The following PDGFB variants were observed in gnomAD, a reference collection of about 807,000 sequenced individuals.
The protein encoded by PDGFB is platelet-derived growth factor subunit B.
PDGFB carries 6 observed loss-of-function variants against 29.0 expected under a neutral mutation model. The ratio of observed to expected loss-of-function variants is 0.21; its 90% CI spans 0.11 to 0.41. The LOEUF is 0.41. Among genes scored for constraint, PDGFB ranks in the 10% least tolerant of loss-of-function variants. The pLI is 1.00. For missense variants in PDGFB, 299 were observed against 341.8 expected, an observed-to-expected ratio of 0.87 and a Z score of 0.99; for synonymous variants, 144 against 140.8, an observed-to-expected ratio of 1.02 and a Z score of -0.16.
rs764954078 is a variant in PDGFB, at chr22:39,234,315, G to A, written c.161-791C>T. Among the ~76,000 whole-genome samples, 19 of 152,168 alleles carry A rather than the reference G, an allele frequency of 1.2e-4. 1 individual carries two copies. The highest frequency in any genetic ancestry group is 2.4e-4 in the African/African-American group (10 of 41,418). ...CCCATCAGCCCTCCTTGGAGACATC[G>A]GTCCTTTCCAGAGCCCATGGCCAGA... is the stretch of plus-strand genomic sequence containing the variant. On this transcript the variant is annotated intron_variant, in intron 2 of 6. Coordinates refer to ENST00000331163, the MANE Select transcript of PDGFB (RefSeq NM_002608.4).
intron 4 of PDGFB, among the ~76,000 whole-genome samples, 187 bp from the exon 5 acceptor site, chr22:39,230,415 G>A (rs542958934): frequency 1.3e-4 from 20 of 152,328 alleles, no homozygotes; most frequent in Admixed American, 9.1e-4. Flanking sequence ...TGCCCTTCTC[G>A]TAGCTTTTCC....
rs1035240778 is a variant in PDGFB, at chr22:39,240,336, ATCT to A, written c.63+3562_63+3564del. Among the ~76,000 whole-genome samples the A allele has an allele frequency of 4.0e-5, 6 of 151,344 alleles. No homozygotes were observed. In the East Asian group the frequency reaches 1.2e-3, roughly 29 times the overall value. On this transcript the variant is annotated intron_variant, in intron 1 of 6. Coordinates refer to ENST00000331163, the MANE Select transcript of PDGFB (RefSeq NM_002608.4). ...TCTTTGGGAACTCTGCACTAATCCA[ATCT>A]TCTCTCTCTCTTTTTTTTTTTAGGT...
Position 39,244,017 on chromosome 22 carries a change from GC to G in PDGFB, c.-55del. On this transcript the variant is annotated 5_prime_UTR_variant, in exon 1 of 7. Coordinates refer to ENST00000331163, the MANE Select transcript of PDGFB (RefSeq NM_002608.4). This position sits in a 1 kb window ranked among gnomAD's most constrained non-coding sequence, Gnocchi z 4.5. ...CCCGGACGCGTAGATCGAGCGCGCCGCCCCCGCGGCCAGGGTGGGGGGCTGG... is the reference window on the plus strand; with the variant it reads ...CCCGGACGCGTAGATCGAGCGCGCCGCCCCGCGGCCAGGGTGGGGGGCTGG... 5.9e-6 allele frequency: 3 copies of G among 512,534 alleles called. No individual in the cohort carries two copies. Among genetic ancestry groups the G allele is most frequent in the Non-Finnish European group, 6.7e-6 (2 of 297,462 alleles). The allele number at this position is 512,534 out of a possible 1,614,324, so 31.7% of individuals were successfully genotyped here. A position where few individuals can be genotyped will look rare whatever the true frequency, so the allele number is the denominator to read the frequency against.
In PDGFB at chr22:39,239,201, C is replaced by G. The variant is rs186201035; in HGVS notation, c.64-3327G>C. On this transcript the variant is annotated intron_variant, in intron 1 of 6. Transcript: ENST00000331163. ...TCTTTCCGGATGGCTCCTTTGTGGG[C>G]AGCAGCGAGTGGCACACGTGCTCAG... 8.9e-4 allele frequency among the ~76,000 whole-genome samples: 135 copies of G among 152,330 alleles called. 1 individual carries two copies. The highest frequency in any genetic ancestry group is 2.8e-3 in the African/African-American group (117 of 41,582).
rs1328650569 is a variant in PDGFB at position 39,244,902 on chromosome 22, G to A, written c.-939C>T. Among the ~76,000 whole-genome samples the A allele has an allele frequency of 6.6e-6, 1 of 151,806 alleles. No homozygotes were observed. ...AATGGGCGCTGGCGGCCGGAGGGGA[G>A]CCCTAGGGAGGCAGCGGGGGAGGCT... On this transcript the variant is annotated 5_prime_UTR_variant, in exon 1 of 7. Coordinates refer to ENST00000331163, the MANE Select transcript of PDGFB (RefSeq NM_002608.4). This position sits in a 1 kb window ranked among gnomAD's most constrained non-coding sequence, Gnocchi z 4.5.
chr22:39,243,943 G>C lies in PDGFB; in HGVS notation c.21C>G (p.Leu7=), dbSNP rs754448136. 6.9e-6 allele frequency: 11 copies of C among 1,602,940 alleles called. No homozygotes were observed. In the East Asian group the frequency reaches 2.5e-4, roughly 36 times the overall value. Residue 7 remains leucine, a synonymous_variant, in exon 1 of 7, where the codon CTC becomes CTG. Transcript: ENST00000331163. The surrounding 1 kb of genome is among the most constrained non-coding windows in gnomAD (Gnocchi z 6.4). MNRCWA[L]FLSLCCYLRL... ...GCAGGTAGCAGCAGAGAGACAGGAA[G>C]AGCGCCCAGCAGCGATTCATGCCGA...
Position 39,244,051 on chromosome 22 carries a change from G to A in PDGFB, c.-88C>T, listed in dbSNP as rs1379354001. Reference sequence around the variant, plus strand: ...GCCAGGGTGGGGGGCTGGGGAGGGGGGTGGGCTCGGCTCGGGTCCGCGGCG... The same window carrying A: ...GCCAGGGTGGGGGGCTGGGGAGGGGAGTGGGCTCGGCTCGGGTCCGCGGCG... On this transcript the variant is annotated 5_prime_UTR_variant, in exon 1 of 7. Coordinates refer to ENST00000331163, the MANE Select transcript of PDGFB (RefSeq NM_002608.4). This position sits in a 1 kb window ranked among gnomAD's most constrained non-coding sequence, Gnocchi z 4.5. The A allele has an allele frequency of 1.5e-6, 1 of 652,512 alleles. No individual in the cohort carries two copies. Among genetic ancestry groups the A allele is most frequent in the Non-Finnish European group, 2.4e-6 (1 of 412,022 alleles). The allele number at this position is 652,512 out of a possible 1,614,324, so 40.4% of individuals were successfully genotyped here.
At chr22:39,229,290 G>A (rs937115651) in intron 5 of PDGFB, among the ~76,000 whole-genome samples, 2 of 152,022 alleles carry the variant, frequency 1.3e-5, no homozygotes, top group African/African-American at 2.4e-5. Context: ...AGCCTCAAGC[G>A]ATCCTCCCAC....
chr22:39,243,837 C>T lies in PDGFB; in HGVS notation c.63+64G>A, dbSNP rs990588445. 5 of 1,297,502 alleles carry T rather than the reference C, an allele frequency of 3.9e-6. No homozygotes were observed. Among genetic ancestry groups the T allele is most frequent in the East Asian group, 2.6e-5 (1 of 39,166 alleles). The allele number at this position is 1,297,502 out of a possible 1,614,324, so 80.4% of individuals were successfully genotyped here. A position where few individuals can be genotyped will look rare whatever the true frequency, so the allele number is the denominator to read the frequency against. On this transcript the variant is annotated intron_variant, in intron 1 of 6. Coordinates refer to ENST00000331163, the MANE Select transcript of PDGFB (RefSeq NM_002608.4). The surrounding 1 kb of genome is among the most constrained non-coding windows in gnomAD (Gnocchi z 6.4). ...AGTTCACTGCAGGGAGAGGAGGGGG[C>T]GGTCAGAAGGGGGGGGCGAAGGTAA...
chr22:39,229,985 G>GGGGGC, intron 5 of PDGFB, 99 bp downstream of exon 5: 1 of 1,351,710 alleles, frequency 7.4e-7, no homozygotes, highest in Non-Finnish European at 1.0e-6. Context: ...GAATTTAACC[G>GGGGGC]GGGGCGGGCC....
rs1366471577 is a variant in PDGFB, at chr22:39,242,652, C to G, written c.63+1249G>C. Reference sequence around the variant, plus strand: ...CAAAAGGAGACGGCGACGGCTCCTCCGTGGTCAAAACAACCTGCGCTGGCG... The same window carrying G: ...CAAAAGGAGACGGCGACGGCTCCTCGGTGGTCAAAACAACCTGCGCTGGCG... On this transcript the variant is annotated intron_variant, in intron 1 of 6. Coordinates refer to ENST00000331163, the MANE Select transcript of PDGFB (RefSeq NM_002608.4). The surrounding 1 kb of genome is among the most constrained non-coding windows in gnomAD (Gnocchi z 5.7). Among the ~76,000 whole-genome samples, 3 of 151,880 alleles carry G rather than the reference C, an allele frequency of 2.0e-5. No homozygotes were observed. The highest frequency in any genetic ancestry group is 4.1e-4 in the South Asian group (2 of 4,828).
intron 5 of PDGFB, among the ~76,000 whole-genome samples, chr22:39,227,383 C>T (rs773092746): frequency 2.0e-5 from 3 of 152,246 alleles, no homozygotes; most frequent in Admixed American, 6.5e-5. Context: ...CGTGAGCCAC[C>T]ACGCCCAGCC....
intron 1 of PDGFB, among the ~76,000 whole-genome samples, chr22:39,239,506 G>A (rs991227819): frequency 6.6e-6 from 1 of 152,158 alleles, no homozygotes; most frequent in African/African-American, 2.4e-5. Context: ...GGCTCTTCTT[G>A]GTATGGGAAG....
chr22:39,240,902 CT>C, intron 1 of PDGFB: 1 of 1,603,150 alleles, frequency 6.2e-7, no homozygotes, highest in Non-Finnish European at 8.5e-7. Context: ...CAGTCTCTCT[CT>C]CTCTCTCTCT....
At chr22:39,241,220 G>A in intron 1 of PDGFB, 1 of 461,478 alleles carries the variant, frequency 2.2e-6, no homozygotes, top group South Asian at 2.5e-5. Context: ...GGCCTCGGCA[G>A]GCCCTCCACC....
At chr22:39,237,068 G>A (rs1601600890) in intron 1 of PDGFB, among the ~76,000 whole-genome samples, 1 of 152,064 alleles carries the variant, frequency 6.6e-6, no homozygotes, top group South Asian at 2.1e-4. Context: ...AGAGGGGGTC[G>A]GTGCAGGCTA....
In PDGFB at chr22:39,230,314, G is replaced by C. The variant is rs990385889; in HGVS notation, c.457-86C>G. 15 of 1,363,424 alleles carry C rather than the reference G, an allele frequency of 1.1e-5. No individual in the cohort carries two copies. The African/African-American group carries it at 1.6e-4, about 14-fold the overall frequency. 84.5% of individuals were successfully genotyped at this position (1,363,424 alleles called of 1,614,324 possible). ...CCGAATGGCTTGCGCTTCCCACCCC[G>C]GTGTCCCCTGCAGCAATCTTTCCTC... On this transcript the variant is annotated intron_variant, in intron 4 of 6. Coordinates refer to ENST00000331163, the MANE Select transcript of PDGFB (RefSeq NM_002608.4).
In PDGFB at chr22:39,231,845, C is replaced by G. The variant is rs1374918079; in HGVS notation, c.251-18G>C. 1.2e-6 allele frequency: 2 copies of G among 1,608,120 alleles called. No individual in the cohort carries two copies. Among genetic ancestry groups the G allele is most frequent in the African/African-American group, 1.3e-5 (1 of 74,870 alleles). ...CAGGGAACCTGGGAGGAGACGAAAC[C>G]TGGGTCAGGAGCGTAGGCCTGTCCA... On this transcript the variant is annotated intron_variant, in intron 3 of 6. Coordinates refer to ENST00000331163, the MANE Select transcript of PDGFB (RefSeq NM_002608.4). This position sits in a 1 kb window ranked among gnomAD's most constrained non-coding sequence, Gnocchi z 4.3.
intron 1 of PDGFB, among the ~76,000 whole-genome samples, chr22:39,237,688 C>T (rs950442596): frequency 9.9e-5 from 15 of 152,230 alleles, no homozygotes; most frequent in Non-Finnish European, 1.9e-4. Flanking sequence ...TGAACACCAG[C>T]GAAAGCCGCT....
Sources: allele counts gnomAD v4.1 joint callset (sites outside exome capture counted in the v4.1 genomes callset), GRCh38; gene constraint gnomAD v4.1.1; non-coding constraint Gnocchi (gnomAD v3.1); transcripts MANE v1.5; gene names NCBI Gene and HGNC (gene_info 2026-07-23, HGNC 2026-07-21).